The following MGAM variants were observed in gnomAD, a reference collection of about 807,000 sequenced individuals.
MGAM encodes maltase-glucoamylase.
MGAM carries 253 observed loss-of-function variants against 358.8 expected under a neutral mutation model. The ratio of observed to expected loss-of-function variants is 0.71; its 90% CI spans 0.64 to 0.78. The LOEUF (loss-of-function observed/expected upper bound fraction) is 0.78, where lower values mean the gene tolerates loss of function less well. Ranked by LOEUF, MGAM falls within the 30% of genes least tolerant of loss-of-function variation. MGAM has a pLI of 0.00. For synonymous variants in MGAM, 1,105 were observed against 1,227.1 expected, an observed-to-expected ratio of 0.90 and a Z score of 2.08; for missense variants, 3,080 against 3,432.6, an observed-to-expected ratio of 0.90 and a Z score of 2.57.
At chr7:142,037,291 A>C (rs1423824829) in intron 18 of MGAM, among the ~76,000 whole-genome samples, 1 of 151,956 alleles carries the variant, frequency 6.6e-6, no homozygotes, top group Non-Finnish European at 1.5e-5. Context: ...TTTTTTCCTT[A>C]GTTTCTTCAG....
At chr7:141,995,532 G>T (rs1804159547), upstream of MGAM, among the ~76,000 whole-genome samples, 1 of 152,196 alleles carries the variant, frequency 6.6e-6, no homozygotes, top group South Asian at 2.1e-4. Context: ...CAGTGCAAGA[G>T]ACCAGGGCTC....
chr7:142,078,449 T>C lies in MGAM; in HGVS notation c.5625T>C (p.Thr1875=). Residue 1875 remains threonine, a synonymous_variant, in exon 48 of 71, where the codon ACT becomes ACC. Transcript: ENST00000475668. The part of the protein sequence containing the change: ...DENGDSAENC[T]ARGCIWEASN... ...ATGGTGATTCTGCAGAAAACTGCAC[T>C]GCCCGTGGCTGTATCTGGGAGGTAA... 1 of 1,544,744 alleles carries C rather than the reference T, an allele frequency of 6.5e-7. No homozygotes were observed.
chr7:142,091,547 C>G (rs150512379), intron 57 of MGAM, among the ~76,000 whole-genome samples: 2,785 of 145,990 alleles, frequency 0.019, 159 homozygotes, highest in African/African-American at 0.064. Context: ...TACCATGCAT[C>G]TCATGTCTGC....
rs189725035 is a variant in MGAM, at chr7:142,067,426, G to A, written c.5004+1G>A. On this transcript the variant is annotated splice_donor_variant, in intron 42 of 70. Coordinates refer to ENST00000475668, the MANE Select transcript of MGAM (RefSeq NM_001365693.1). LOFTEE classifies it high-confidence loss of function. Reference sequence around the variant, plus strand: ...CCTGGTCAGCCCTGTCCTGGAGCGCGTGAGTATGGAGGCCTCCGATGAGGG... The same window carrying A: ...CCTGGTCAGCCCTGTCCTGGAGCGCATGAGTATGGAGGCCTCCGATGAGGG... The A allele has an allele frequency of 4.1e-5, 63 of 1,551,472 alleles. 10 individuals are homozygous for A. The highest frequency in any genetic ancestry group is 6.9e-5 in the Admixed American group (4 of 58,124).
Position 142,093,515 on chromosome 7 carries a change from C to G in MGAM, c.7137C>G (p.Asn2379Lys). The stretch of plus-strand genomic sequence containing the variant: ...CGGTGCAGCACTACAATGTGCACAA[C>G]CTGTACGGGTGGTCCCAGACCAGAC... ...GSPVQHYNVH[N>K]LYGWSQTRPT... The change falls in exon 60 of 71, where the codon AAC (asparagine) becomes AAG (lysine). Residue 2379 changes from asparagine (N) to lysine (K), a missense_variant. Asn to Lys is a moderately conservative substitution (Grantham distance 94). Coordinates refer to ENST00000475668, the MANE Select transcript of MGAM (RefSeq NM_001365693.1). 6.6e-7 allele frequency: 1 copy of G among 1,506,456 alleles called. No homozygotes were observed. Among genetic ancestry groups the G allele is most frequent in the Non-Finnish European group, 9.0e-7 (1 of 1,106,978 alleles). 93.3% of individuals were successfully genotyped at this position (1,506,456 alleles called of 1,614,324 possible). A position where few individuals can be genotyped will look rare whatever the true frequency, so the allele number is the denominator to read the frequency against.
At chr7:142,067,956 ATAT>A (rs1812940329) in intron 42 of MGAM, among the ~76,000 whole-genome samples, 1 of 35,644 alleles carries the variant, frequency 2.8e-5, no homozygotes, top group African/African-American at 7.7e-5. Flanking sequence ...ATATATATAT[ATAT>A]ATATAAATAT....
At chr7:142,039,103 C>CT (rs35054393) in intron 19 of MGAM, among the ~76,000 whole-genome samples, 12,689 of 118,926 alleles carry the variant, frequency 0.11, 1,976 homozygotes, top group African/African-American at 0.33. Context: ...TTGCCACACA[C>CT]TTTTTTTTTT....
At chr7:142,021,177 C>A in intron 5 of MGAM, 94 bp downstream of exon 5, 1 of 853,354 alleles carries the variant, frequency 1.2e-6, no homozygotes. Context: ...AATTTTGCTA[C>A]TGGATGTATT....
At chr7:142,017,592 T>C (rs1271199934) in intron 3 of MGAM, among the ~76,000 whole-genome samples, 1 of 152,196 alleles carries the variant, frequency 6.6e-6, no homozygotes, top group Non-Finnish European at 1.5e-5. Flanking sequence ...ACCATCATGC[T>C]TAACACCCTT....
At chr7:141,993,798 A>G (rs1804044379), upstream of MGAM, among the ~76,000 whole-genome samples, 1 of 152,210 alleles carries the variant, frequency 6.6e-6, no homozygotes, top group Non-Finnish European at 1.5e-5. Flanking sequence ...ATCTCAAGAT[A>G]TTGTTTACGC....
At chr7:142,095,886 T>A in intron 64 of MGAM, 173 bp downstream of exon 64, 2 of 1,004,752 alleles carry the variant, frequency 2.0e-6, no homozygotes, top group Non-Finnish European at 2.9e-6. Context: ...CTTAGGTCAT[T>A]AATAAAAGGT....
rs529863811 is a variant in MGAM at position 142,082,193 on chromosome 7, C to G, written c.6154C>G (p.Arg2052Gly). The change falls in exon 51 of 71, where the codon CGA becomes GGA. Residue 2052 changes from arginine to glycine, a missense_variant. Coordinates refer to ENST00000475668, the MANE Select transcript of MGAM (RefSeq NM_001365693.1). ...GTGGCACACTTGGGGGATGTTCTCC[C>G]GAGACCAGCCCCCAGGGGTAAGGAC... ...LEWHTWGMFS[R>G]DQPPGYKKNS... 5.3e-5 allele frequency: 83 copies of G among 1,554,558 alleles called. 11 individuals carry two copies. The Middle Eastern group carries it at 1.7e-3, about 31-fold the overall frequency.
At chr7:142,020,827 T>G (rs1325739504) in intron 4 of MGAM, 147 bp from the exon 5 acceptor site, 4 of 626,538 alleles carry the variant, frequency 6.4e-6, no homozygotes, top group African/African-American at 3.8e-5. Flanking sequence ...TTCCTGACCT[T>G]GTGATCCACC....
chr7:142,062,438 A>G (rs755354327), intron 34 of MGAM, 130 bp from the exon 35 acceptor site: 7 of 1,203,590 alleles, frequency 5.8e-6, no homozygotes, highest in South Asian at 3.4e-5. Flanking sequence ...TAATAACATT[A>G]TTTAGGCCCT....
At position 142,076,520 on chromosome 7, in the gene MGAM, A is replaced by G. The variant is rs750153541; in HGVS notation, c.5326-139A>G. 11 of 904,526 alleles carry G rather than the reference A, an allele frequency of 1.2e-5. 1 individual carries two copies. Among genetic ancestry groups the G allele is most frequent in the Non-Finnish European group, 1.9e-5 (11 of 564,428 alleles). 56.0% of individuals were successfully genotyped at this position (904,526 alleles called of 1,614,324 possible). ...TATCAAACTAATGTTGTACTTCTTG[A>G]GCAGACACTAGTAGAGAAAGCAGAG... On this transcript the variant is annotated intron_variant, in intron 46 of 70. Transcript: ENST00000475668.
intron 44 of MGAM, among the ~76,000 whole-genome samples, chr7:142,073,059 CT>C (rs959320092): frequency 6.8e-6 from 1 of 146,072 alleles, no homozygotes; most frequent in Non-Finnish European, 1.5e-5. Flanking sequence ...CTGGGTAAGT[CT>C]CCAGAAGAAT....
intron 1 of MGAM, among the ~76,000 whole-genome samples, chr7:141,997,220 G>T (rs1373796787): frequency 6.6e-6 from 1 of 152,068 alleles, no homozygotes; most frequent in Non-Finnish European, 1.5e-5. Flanking sequence ...GGCTTTGCTG[G>T]GCGAGGAAGA....
chr7:142,030,833 TGTG>T (rs1807422739), intron 12 of MGAM, 76 bp downstream of exon 12: 2 of 856,938 alleles, frequency 2.3e-6, no homozygotes, highest in East Asian at 2.4e-5. Context: ...TGTGTGTGTG[TGTG>T]TGTGCATGTA....
chr7:142,052,102 C>T (rs1300153402), intron 24 of MGAM, among the ~76,000 whole-genome samples, 192 bp from the exon 25 acceptor site: 2 of 152,136 alleles, frequency 1.3e-5, no homozygotes, highest in Non-Finnish European at 2.9e-5. Flanking sequence ...AGAGGGGAGA[C>T]ATTTGACCTG....
Sources: allele counts gnomAD v4.1 joint callset (sites outside exome capture counted in the v4.1 genomes callset), GRCh38; gene constraint gnomAD v4.1.1; transcripts MANE v1.5; gene names NCBI Gene and HGNC (gene_info 2026-07-23, HGNC 2026-07-21).